Variants in LRRC1 observed in about 807,000 individuals in gnomAD.
LRRC1 encodes the protein leucine-rich repeat-containing protein 1.
LRRC1 carries 28 observed loss-of-function variants against 69.9 expected under a neutral mutation model. The observed-to-expected ratio is 0.40, with a 90% CI of 0.30 to 0.55. The LOEUF (loss-of-function observed/expected upper bound fraction) is 0.55. LRRC1 is among the 20% of genes least tolerant of loss of function. The probability of loss-of-function intolerance (pLI) is 0.47; values close to 1 mark genes in which losing one functional copy is unlikely to be tolerated. For missense variants in LRRC1, 498 were observed against 609.0 expected (o/e 0.82, Z 1.92); for synonymous variants, 236 against 240.2 (o/e 0.98, Z 0.16).
chr6:53,865,576 A>T (rs1766675476), intron 2 of LRRC1, among the ~76,000 whole-genome samples: 1 of 151,910 alleles, frequency 6.6e-6, no homozygotes, highest in Admixed American at 6.5e-5. Context: ...TTTATGCCAT[A>T]TTATTTTTTG....
At chr6:53,809,709 ACTT>A (rs1764736200) in intron 1 of LRRC1, among the ~76,000 whole-genome samples, 1 of 152,222 alleles carries the variant, frequency 6.6e-6, no homozygotes, top group Admixed American at 6.5e-5. Flanking sequence ...GCATCAGGTA[ACTT>A]CTGTGGTTTC....
intron 2 of LRRC1, among the ~76,000 whole-genome samples, chr6:53,856,198 A>G (rs1766303498): frequency 6.6e-6 from 1 of 152,244 alleles, no homozygotes. Flanking sequence ...GTGATAAGGG[A>G]CGTAGGGACA....
chr6:53,804,219 G>T (rs560905530), intron 1 of LRRC1, among the ~76,000 whole-genome samples: 1 of 152,100 alleles, frequency 6.6e-6, no homozygotes, highest in Non-Finnish European at 1.5e-5. Flanking sequence ...GATATCATCC[G>T]TTAACAATTT....
chr6:53,854,757 T>C (rs909149059), intron 2 of LRRC1, among the ~76,000 whole-genome samples: 5 of 152,222 alleles, frequency 3.3e-5, no homozygotes, highest in African/African-American at 1.2e-4. Context: ...TATTTATCTT[T>C]TTCTCTTTTC....
Position 53,842,314 on chromosome 6 carries a change from C to T in LRRC1, c.277+87C>T, listed in dbSNP as rs557593537. ...AAATATAGCTACGAGTGAGAACATGCGGTGTTTGGTTTTTTGTCCTTGTGA... is the reference window on the plus strand; with the variant it reads ...AAATATAGCTACGAGTGAGAACATGTGGTGTTTGGTTTTTTGTCCTTGTGA... On this transcript the variant is annotated intron_variant, in intron 2 of 13. Coordinates refer to ENST00000370888, the MANE Select transcript of LRRC1 (RefSeq NM_018214.5). The T allele has an allele frequency of 4.9e-4, 415 of 843,722 alleles. 8 individuals carry two copies. The South Asian group carries it at 6.3e-3, about 13-fold the overall frequency. 52.3% of individuals were successfully genotyped at this position (843,722 alleles called of 1,614,324 possible).
intron 1 of LRRC1, among the ~76,000 whole-genome samples, chr6:53,836,972 A>G (rs1765629080): frequency 6.6e-6 from 1 of 152,172 alleles, no homozygotes; most frequent in Non-Finnish European, 1.5e-5. Flanking sequence ...AAATGAAATA[A>G]TATAGTATGC....
rs576401562 is a variant in LRRC1, at chr6:53,917,698, T to C, written c.1107-1800T>C. ...CAGGTAGAGATGTTGACTGTAAGTG[T>C]CTTGCCCAAGACTTGAAACTTTAAA... On this transcript the variant is annotated intron_variant, in intron 11 of 13. Coordinates refer to ENST00000370888, the MANE Select transcript of LRRC1 (RefSeq NM_018214.5). 1.2e-4 allele frequency among the ~76,000 whole-genome samples: 19 copies of C among 152,326 alleles called. 1 individual carries two copies. In the South Asian group the frequency reaches 3.7e-3, roughly 30 times the overall value.
chr6:53,885,643 C>A (rs1360485307), intron 4 of LRRC1, among the ~76,000 whole-genome samples: 1 of 152,174 alleles, frequency 6.6e-6, no homozygotes, highest in African/African-American at 2.4e-5. Context: ...TGGCACCTAG[C>A]ACAGTAGTTG....
intron 2 of LRRC1, among the ~76,000 whole-genome samples, chr6:53,876,934 G>T (rs1767091044): frequency 6.6e-6 from 1 of 152,138 alleles, no homozygotes; most frequent in Non-Finnish European, 1.5e-5. Flanking sequence ...GTTCCACTAG[G>T]CACTGCCCCA....
chr6:53,898,067 T>G (rs552442050), intron 7 of LRRC1, among the ~76,000 whole-genome samples: 17 of 152,198 alleles, frequency 1.1e-4, no homozygotes, highest in Non-Finnish European at 2.5e-4. Context: ...TCACAGCCAG[T>G]TTTTCATGTG....
chr6:53,873,621 A>G (rs1415572115), intron 2 of LRRC1, among the ~76,000 whole-genome samples: 1 of 152,118 alleles, frequency 6.6e-6, no homozygotes, highest in East Asian at 1.9e-4. Flanking sequence ...TGATTTTTCT[A>G]TGTTGAATTT....
chr6:53,868,984 G>A (rs1766795725), intron 2 of LRRC1, among the ~76,000 whole-genome samples: 1 of 152,066 alleles, frequency 6.6e-6, no homozygotes, highest in Non-Finnish European at 1.5e-5. Context: ...TGATATACTA[G>A]CATTATTTAA....
At chr6:53,797,047 C>T (rs960025889) in intron 1 of LRRC1, among the ~76,000 whole-genome samples, 1 of 151,728 alleles carries the variant, frequency 6.6e-6, no homozygotes, top group Admixed American at 6.6e-5. Flanking sequence ...TTTTTGTTTT[C>T]TTTTGTAGAA....
intron 3 of LRRC1, 144 bp downstream of exon 3, chr6:53,879,215 T>C: frequency 1.6e-6 from 1 of 613,136 alleles, no homozygotes; most frequent in East Asian, 2.8e-5. Flanking sequence ...TTCACAGATA[T>C]TTCTTTATAA....
chr6:53,803,279 G>C (rs1390408067), intron 1 of LRRC1, among the ~76,000 whole-genome samples: 2 of 152,222 alleles, frequency 1.3e-5, no homozygotes, highest in African/African-American at 2.4e-5. Flanking sequence ...CGTGGAATGA[G>C]ATGTCGTGTT....
At chr6:53,808,088 T>G (rs1764687963) in intron 1 of LRRC1, among the ~76,000 whole-genome samples, 1 of 152,212 alleles carries the variant, frequency 6.6e-6, no homozygotes, top group Non-Finnish European at 1.5e-5. Context: ...GCCTATGAGA[T>G]ACCTGATTTA....
In LRRC1 at chr6:53,923,501, A is replaced by G. The variant is rs529049822; in HGVS notation, c.*708A>G. The G allele has an allele frequency of 6.5e-6, 1 of 152,760 alleles. No homozygotes were observed. The highest frequency in any genetic ancestry group is 2.4e-5 in the African/African-American group (1 of 41,584). The allele number at this position is 152,760 out of a possible 1,614,324, so 9.5% of individuals were successfully genotyped here. On this transcript the variant is annotated 3_prime_UTR_variant, in exon 14 of 14. Transcript: ENST00000370888. ...AAGCAGTGTTGCATTTTAATCAGTA[A>G]TCTACCTGGTGGATTTGTTTTTAAC...
chr6:53,806,486 C>T (rs998538787), intron 1 of LRRC1, among the ~76,000 whole-genome samples: 1 of 152,120 alleles, frequency 6.6e-6, no homozygotes, highest in African/African-American at 2.4e-5. Context: ...GCGCTGGGTT[C>T]TTGTCCTGGT....
rs145495623 is a variant in LRRC1 at position 53,906,181 on chromosome 6, A to T, written c.990+1719A>T. On this transcript the variant is annotated intron_variant, in intron 10 of 13. Transcript: ENST00000370888. ...CTTCATTTTACGAGTGAGGAAACGGAGGCCAGTAAGTAGTTTTTCTTACTA... is the reference window on the plus strand; with the variant it reads ...CTTCATTTTACGAGTGAGGAAACGGTGGCCAGTAAGTAGTTTTTCTTACTA... 6.3e-3 allele frequency among the ~76,000 whole-genome samples: 964 copies of T among 152,318 alleles called. 6 individuals carry two copies. Among genetic ancestry groups the T allele is most frequent in the Non-Finnish European group, 0.011 (772 of 68,030 alleles).
Sources: gnomAD v4.1 joint callset for allele counts (sites outside exome capture counted in the v4.1 genomes callset) on GRCh38, gnomAD v4.1.1 for gene constraint, MANE v1.5 for transcripts, NCBI Gene and HGNC (gene_info 2026-07-23, HGNC 2026-07-21) for gene names.